RBFOX3: variants seen among roughly 807,000 people sequenced by gnomAD.
The protein encoded by RBFOX3 is RNA binding protein fox-1 homolog 3.
A neutral mutation model predicts 48.7 loss-of-function variants in RBFOX3; 17 were observed. The observed-to-expected ratio is 0.35, with a 90% CI of 0.24 to 0.52. The LOEUF (loss-of-function observed/expected upper bound fraction) is 0.52. Among genes scored for constraint, RBFOX3 ranks in the 20% least tolerant of loss-of-function variants. The pLI is 0.94. For missense variants in RBFOX3, 382 were observed against 497.5 expected (o/e 0.77, Z 2.21); for synonymous variants, 212 against 209.5 (o/e 1.01, Z -0.10).
chr17:79,478,901 T>C (rs954219059), intron 2 of RBFOX3, among the ~76,000 whole-genome samples: 4 of 152,312 alleles, frequency 2.6e-5, no homozygotes, highest in Non-Finnish European at 4.4e-5. Flanking sequence ...CGGGATCTAA[T>C]TGACAGGACC....
chr17:79,255,614 G>A (rs528590103), intron 3 of RBFOX3, among the ~76,000 whole-genome samples: 9 of 152,164 alleles, frequency 5.9e-5, no homozygotes, highest in African/African-American at 1.2e-4. Flanking sequence ...CCTGGCGACC[G>A]CGTCTCCCAG....
chr17:79,390,143 G>A lies in RBFOX3; in HGVS notation c.-174-82319C>T, dbSNP rs2061194923. On this transcript the variant is annotated intron_variant, in intron 2 of 14. Coordinates refer to ENST00000693108, the MANE Select transcript of RBFOX3 (RefSeq NM_001350451.2). This position sits in a 1 kb window ranked among gnomAD's most constrained non-coding sequence, Gnocchi z 4.2. ...GCCGAGGGGCTGGGTCCACAGAGGAGGACCAGCAGCAGTGAAGGGCAAGTC... is the reference window on the plus strand; with the variant it reads ...GCCGAGGGGCTGGGTCCACAGAGGAAGACCAGCAGCAGTGAAGGGCAAGTC... Among the ~76,000 whole-genome samples the A allele has an allele frequency of 6.6e-6, 1 of 152,240 alleles. No homozygotes were observed. Among genetic ancestry groups the A allele is most frequent in the African/African-American group, 2.4e-5 (1 of 41,466 alleles).
chr17:79,129,658 G>A (rs1291507205), intron 4 of RBFOX3, among the ~76,000 whole-genome samples: 1 of 152,226 alleles, frequency 6.6e-6, no homozygotes, highest in Non-Finnish European at 1.5e-5. Context: ...GACCTCCCCT[G>A]CCCCAATGGG....
the RBFOX3 span, among the ~76,000 whole-genome samples, chr17:79,664,092 GA>G: frequency 6.6e-6 from 1 of 152,150 alleles, no homozygotes; most frequent in Admixed American, 6.5e-5. Flanking sequence ...TCGGGTGGGA[GA>G]AGGGATGGGA....
At chr17:79,142,243 G>A (rs192160269) in intron 4 of RBFOX3, among the ~76,000 whole-genome samples, 11 of 152,190 alleles carry the variant, frequency 7.2e-5, no homozygotes, top group African/African-American at 2.2e-4. Context: ...CCCGGTCCCC[G>A]GCCTCTGGCC....
intron 4 of RBFOX3, among the ~76,000 whole-genome samples, chr17:79,129,848 C>T (rs1006371898): frequency 3.3e-5 from 5 of 152,240 alleles, no homozygotes; most frequent in African/African-American, 1.2e-4. Flanking sequence ...TTATATGACA[C>T]CCCAGCCCAT....
intron 3 of RBFOX3, among the ~76,000 whole-genome samples, chr17:79,306,486 C>T (rs1233807510): frequency 1.3e-5 from 2 of 152,234 alleles, no homozygotes; most frequent in East Asian, 3.9e-4. Flanking sequence ...CCCCTCCCTG[C>T]TTTGTTCCTG....
chr17:79,304,485 G>A (rs1041954426), intron 3 of RBFOX3, among the ~76,000 whole-genome samples: 62 of 150,284 alleles, frequency 4.1e-4, no homozygotes, highest in African/African-American at 1.5e-3. Context: ...TTTGCAGAAG[G>A]ATTTTCATAC....
chr17:79,584,350 A>G (rs2093170872), intron 1 of RBFOX3, among the ~76,000 whole-genome samples: 1 of 152,216 alleles, frequency 6.6e-6, no homozygotes. Flanking sequence ...AAAGAACTAT[A>G]AGTAGAACTA....
intron 1 of RBFOX3, among the ~76,000 whole-genome samples, chr17:79,579,591 C>T (rs1332106643): frequency 6.6e-6 from 1 of 151,956 alleles, no homozygotes; most frequent in Admixed American, 6.6e-5. Context: ...AGGCAAGCTC[C>T]GGGGCTGGCG....
chr17:79,568,537 C>T (rs909465593), intron 1 of RBFOX3, among the ~76,000 whole-genome samples: 42 of 152,122 alleles, frequency 2.8e-4, no homozygotes, highest in African/African-American at 1.0e-3. Flanking sequence ...AACTGGTAGG[C>T]AAACTTCTGC....
chr17:79,639,214 G>A, the RBFOX3 span, among the ~76,000 whole-genome samples: 26 of 150,656 alleles, frequency 1.7e-4, no homozygotes, highest in Admixed American at 4.0e-4. Flanking sequence ...TCACTCTGTC[G>A]CCCAGGCTGG....
intron 3 of RBFOX3, among the ~76,000 whole-genome samples, chr17:79,256,257 C>G (rs2064830268): frequency 6.6e-6 from 1 of 152,056 alleles, no homozygotes; most frequent in Non-Finnish European, 1.5e-5. Context: ...GCTTCTATTC[C>G]CATAAACCGA....
intron 2 of RBFOX3, among the ~76,000 whole-genome samples, chr17:79,405,854 C>T (rs557564979): frequency 7.4e-4 from 112 of 152,374 alleles, no homozygotes; most frequent in African/African-American, 2.5e-3. Flanking sequence ...GCCATTCCCA[C>T]CTCCAGCCCC....
At chr17:79,285,376 C>A (rs909156336) in intron 3 of RBFOX3, among the ~76,000 whole-genome samples, 1 of 152,242 alleles carries the variant, frequency 6.6e-6, no homozygotes, top group African/African-American at 2.4e-5. Context: ...CATGTGGATG[C>A]AAATGGTACT....
At chr17:79,356,370 T>TG (rs1258262683) in intron 2 of RBFOX3, among the ~76,000 whole-genome samples, 1,553 of 124,170 alleles carry the variant, frequency 0.013, 75 homozygotes, top group South Asian at 0.022. Context: ...TTTTTTTTTT[T>TG]TTTTTTTTTT....
intron 2 of RBFOX3, among the ~76,000 whole-genome samples, chr17:79,331,381 A>T (rs1177835703): frequency 6.6e-6 from 1 of 152,068 alleles, no homozygotes; most frequent in Admixed American, 6.5e-5. Flanking sequence ...ACCAGAGTCA[A>T]CAAGCCCCTT....
At chr17:79,581,576 T>C (rs1219182682) in intron 1 of RBFOX3, among the ~76,000 whole-genome samples, 1 of 152,258 alleles carries the variant, frequency 6.6e-6, no homozygotes, top group Non-Finnish European at 1.5e-5. Context: ...CACGGCTGTG[T>C]AGACGCTCCT....
chr17:79,132,432 T>C (rs1447734195), intron 4 of RBFOX3, among the ~76,000 whole-genome samples: 6 of 152,210 alleles, frequency 3.9e-5, no homozygotes, highest in Admixed American at 6.5e-5. Context: ...TAGCTCTGAG[T>C]GTGCACGTGT....
Sources: gnomAD v4.1 joint callset for allele counts (sites outside exome capture counted in the v4.1 genomes callset) on GRCh38, gnomAD v4.1.1 for gene constraint, Gnocchi (gnomAD v3.1) non-coding constraint, MANE v1.5 for transcripts, NCBI Gene and HGNC (gene_info 2026-07-23, HGNC 2026-07-21) for gene names.